The following SYT2 variants were observed in gnomAD, a reference collection of about 807,000 sequenced individuals.
SYT2 encodes synaptotagmin-2.
SYT2 carries 15 observed loss-of-function variants against 39.9 expected under a neutral mutation model. That is an observed-to-expected ratio of 0.38 (90% CI 0.25 to 0.58). SYT2 has a LOEUF of 0.58. Among genes scored for constraint, SYT2 ranks in the 20% least tolerant of loss-of-function variants. The pLI, the probability that SYT2 is intolerant of heterozygous loss-of-function variation, is 0.70. For missense variants in SYT2, 389 were observed against 530.3 expected (o/e 0.73, Z 2.62); for synonymous variants, 181 against 204.5 (o/e 0.89, Z 0.98).
chr1:202,606,168 C>G (rs1159764629), intron 1 of SYT2, among the ~76,000 whole-genome samples: 1 of 152,156 alleles, frequency 6.6e-6, no homozygotes, highest in African/African-American at 2.4e-5. Flanking sequence ...CATTATTCAT[C>G]TAATCCAAAA....
intron 1 of SYT2, among the ~76,000 whole-genome samples, chr1:202,692,332 C>A (rs1423071382): frequency 6.6e-6 from 1 of 152,174 alleles, no homozygotes; most frequent in Non-Finnish European, 1.5e-5. Context: ...CCTAGCCCAC[C>A]AAGAAAGGCT....
At chr1:202,638,349 T>C (rs935621421) in intron 1 of SYT2, among the ~76,000 whole-genome samples, 2 of 151,610 alleles carry the variant, frequency 1.3e-5, no homozygotes, top group African/African-American at 4.9e-5. Flanking sequence ...AAAAAAAATA[T>C]TCACAGCCTC....
At chr1:202,668,664 T>A (rs1692525483) in intron 1 of SYT2, among the ~76,000 whole-genome samples, 2 of 152,210 alleles carry the variant, frequency 1.3e-5, no homozygotes, top group Admixed American at 1.3e-4. Flanking sequence ...TTGAAGTATT[T>A]CTTATAGGCA....
At chr1:202,659,454 C>A (rs12128127) in intron 1 of SYT2, among the ~76,000 whole-genome samples, 13,515 of 152,166 alleles carry the variant, frequency 0.089, 743 homozygotes, top group Non-Finnish European at 0.12. Flanking sequence ...ACACTGGGGG[C>A]TCTTTGCTGA....
At chr1:202,678,969 G>A (rs954779692) in intron 1 of SYT2, among the ~76,000 whole-genome samples, 3 of 152,076 alleles carry the variant, frequency 2.0e-5, no homozygotes, top group African/African-American at 7.2e-5. Flanking sequence ...AGCTTTCAGA[G>A]GTCCCCAGTG....
At chr1:202,635,375 T>C (rs1691711544) in intron 1 of SYT2, among the ~76,000 whole-genome samples, 1 of 152,138 alleles carries the variant, frequency 6.6e-6, no homozygotes, top group South Asian at 2.1e-4. Flanking sequence ...AGGGATGATG[T>C]TGAGGGGGAT....
At chr1:202,670,246 G>A (rs1186459510) in intron 1 of SYT2, among the ~76,000 whole-genome samples, 3 of 152,204 alleles carry the variant, frequency 2.0e-5, no homozygotes, top group Non-Finnish European at 4.4e-5. Context: ...ACTGGGAACA[G>A]ACAGAGAAGG....
In SYT2 at chr1:202,602,533, C is replaced by A; in HGVS notation, c.478G>T (p.Val160Phe). ...GCAGGCAGTTCAGCAGCCTGCAGAA[C>A]GCCCACAGTAAGCTGTGGAGAGAGA... is the stretch of plus-strand genomic sequence containing the variant. ...DFQANQLTVG[V>F]LQAAELPALD... Residue 160 changes from valine (V) to phenylalanine (F), a missense_variant, in exon 5 of 9, where the codon GTT (valine) becomes TTT (phenylalanine). By Grantham distance (50) the Val-to-Phe change is conservative. This residue lies in a region of SYT2 where 280 missense variants were observed against 335.6 expected (regional missense o/e 0.83). Transcript: ENST00000367268. 1 of 1,612,818 alleles carries A rather than the reference C, an allele frequency of 6.2e-7. No homozygotes were observed. The highest frequency in any genetic ancestry group is 8.5e-7 in the Non-Finnish European group (1 of 1,179,584).
intron 1 of SYT2, among the ~76,000 whole-genome samples, chr1:202,659,509 G>C (rs1005604997): frequency 6.0e-4 from 91 of 152,282 alleles, no homozygotes; most frequent in African/African-American, 2.1e-3. Flanking sequence ...GTGTGGTCAG[G>C]CTGGCAGTGT....
At chr1:202,707,389 C>T (rs1413616759) in intron 1 of SYT2, among the ~76,000 whole-genome samples, 1 of 152,168 alleles carries the variant, frequency 6.6e-6, no homozygotes, top group South Asian at 2.1e-4. Flanking sequence ...ACCCTGCCCC[C>T]CCATTACTCC....
chr1:202,684,092 T>G (rs1163311889), intron 1 of SYT2, among the ~76,000 whole-genome samples: 1 of 152,160 alleles, frequency 6.6e-6, no homozygotes, highest in Non-Finnish European at 1.5e-5. Flanking sequence ...AGGTGTACAA[T>G]GTGACATTTT....
At chr1:202,652,152 GC>G (rs1692206243) in intron 1 of SYT2, among the ~76,000 whole-genome samples, 1 of 152,242 alleles carries the variant, frequency 6.6e-6, no homozygotes, top group Admixed American at 6.5e-5. Flanking sequence ...GTTGGTGGTG[GC>G]TGATGCCAGT....
intron 1 of SYT2, among the ~76,000 whole-genome samples, chr1:202,687,908 C>G (rs571945311): frequency 6.6e-6 from 1 of 151,864 alleles, no homozygotes; most frequent in South Asian, 2.1e-4. Flanking sequence ...TGAACTGAAG[C>G]TGAAATAAGC....
intron 1 of SYT2, among the ~76,000 whole-genome samples, chr1:202,661,100 A>G (rs1355239294): frequency 6.6e-6 from 1 of 152,002 alleles, no homozygotes; most frequent in East Asian, 1.9e-4. Context: ...GCCCTCATGG[A>G]CCATATAATT....
intron 1 of SYT2, among the ~76,000 whole-genome samples, chr1:202,646,981 C>G (rs1478880736): frequency 1.3e-5 from 2 of 152,230 alleles, no homozygotes; most frequent in East Asian, 3.8e-4. Flanking sequence ...GTCTGCCGTC[C>G]AAGCACAGGA....
intron 1 of SYT2, among the ~76,000 whole-genome samples, chr1:202,670,062 G>A (rs1692559515): frequency 6.6e-6 from 1 of 152,196 alleles, no homozygotes; most frequent in Non-Finnish European, 1.5e-5. Flanking sequence ...GCACTCGTGA[G>A]GAAGGAGGGC....
chr1:202,624,990 G>T (rs1691337598), intron 1 of SYT2, among the ~76,000 whole-genome samples: 1 of 137,426 alleles, frequency 7.3e-6, no homozygotes, highest in Non-Finnish European at 1.6e-5. Context: ...TGTGTAGTGT[G>T]GTGTGTGTCT....
intron 1 of SYT2, among the ~76,000 whole-genome samples, chr1:202,688,114 A>AC (rs1019505250): frequency 2.0e-4 from 31 of 151,714 alleles, no homozygotes; most frequent in African/African-American, 2.2e-4. Context: ...GGTCACTGAC[A>AC]CCCCCCCATA....
At chr1:202,630,945 T>G (rs773744107) in intron 1 of SYT2, among the ~76,000 whole-genome samples, 3 of 152,142 alleles carry the variant, frequency 2.0e-5, no homozygotes, top group Non-Finnish European at 4.4e-5. Context: ...ACAAACACTG[T>G]GTCCTGCAGA....
Sources: gnomAD v4.1 joint callset for allele counts (sites outside exome capture counted in the v4.1 genomes callset) on GRCh38, gnomAD v4.1.1 for gene constraint, gnomAD v4.1.1 regional missense constraint, MANE v1.5 for transcripts, NCBI Gene and HGNC (gene_info 2026-07-23, HGNC 2026-07-21) for gene names.